Variants in LZTFL1 observed in about 807,000 individuals in gnomAD.
LZTFL1 encodes the protein leucine zipper transcription factor-like protein 1.
Under a neutral mutation model 45.9 loss-of-function variants are expected in LZTFL1, and 25 were observed. That is an observed-to-expected ratio of 0.54 (90% CI 0.40 to 0.76). The LOEUF (loss-of-function observed/expected upper bound fraction) is 0.76. LZTFL1 is among the 30% of genes least tolerant of loss of function. LZTFL1 has a pLI of 0.00. For missense variants in LZTFL1, 277 were observed against 331.1 expected (o/e 0.84, Z 1.27); for synonymous variants, 93 against 117.4 (o/e 0.79, Z 1.35).
intron 2 of LZTFL1, among the ~76,000 whole-genome samples, chr3:45,875,698 G>A (rs1701740879): frequency 6.6e-6 from 1 of 151,030 alleles, no homozygotes; most frequent in South Asian, 2.1e-4. Context: ...AGAAACAAAA[G>A]CAAAAACAAT....
chr3:45,886,483 A>G (rs1247766048), intron 2 of LZTFL1: 5 of 152,192 alleles, frequency 3.3e-5, no homozygotes, highest in Non-Finnish European at 7.3e-5. Context: ...CACCAGTGAC[A>G]ACACAGGCAG....
intron 2 of LZTFL1, among the ~76,000 whole-genome samples, chr3:45,876,989 G>A (rs1393502293): frequency 2.6e-5 from 4 of 152,092 alleles, no homozygotes; most frequent in East Asian, 1.9e-4. Flanking sequence ...GATGGAAGCC[G>A]AGACAACAGC....
chr3:45,841,802 C>T (rs938905852), intron 1 of LZTFL1, 187 bp downstream of exon 1: 1 of 711,900 alleles, frequency 1.4e-6, no homozygotes, highest in South Asian at 1.8e-5. Flanking sequence ...AGGATTACCC[C>T]AGAAGGGCTT....
chr3:45,883,777 C>T lies in LZTFL1; in HGVS notation c.-214-24761G>A, dbSNP rs1321904612. 5 of 565,526 alleles carry T rather than the reference C, an allele frequency of 8.8e-6. No individual in the cohort carries two copies. The Admixed American group carries it at 1.2e-4, about 14-fold the overall frequency. 35.0% of individuals were successfully genotyped at this position (565,526 alleles called of 1,614,324 possible). Reference sequence around the variant, plus strand: ...TGCAATGCATCCCCATGAACACAGTCAGGAACAACTTGTCCAAGGCCCCAA... The same window carrying T: ...TGCAATGCATCCCCATGAACACAGTTAGGAACAACTTGTCCAAGGCCCCAA... On this transcript the variant is annotated intron_variant, in intron 2 of 4. Transcript: ENST00000472635.
In LZTFL1 at chr3:45,825,431, TA is replaced by T. The variant is rs1257168253; in HGVS notation, c.*882del. ...AGTGAAAACCTCTTGAAAATACAAT[TA>T]TTATAGACCCACATAAATAAAGTCT... is the stretch of plus-strand genomic sequence containing the variant. On this transcript the variant is annotated 3_prime_UTR_variant, in exon 10 of 10. Coordinates refer to ENST00000296135, the MANE Select transcript of LZTFL1 (RefSeq NM_020347.4). 6.6e-6 allele frequency: 1 copy of T among 152,216 alleles called. No individual in the cohort carries two copies. The highest frequency in any genetic ancestry group is 2.4e-5 in the African/African-American group (1 of 41,436). 9.4% of individuals were successfully genotyped at this position (152,216 alleles called of 1,614,324 possible).
At chr3:45,849,309 A>G (rs1004196292) in intron 4 of LZTFL1, among the ~76,000 whole-genome samples, 6 of 152,234 alleles carry the variant, frequency 3.9e-5, no homozygotes, top group African/African-American at 1.4e-4. Flanking sequence ...CAGAGGGAAC[A>G]TAGCAAACAC....
chr3:45,833,407 G>C (rs1347472051), intron 4 of LZTFL1, among the ~76,000 whole-genome samples: 1 of 152,142 alleles, frequency 6.6e-6, no homozygotes, highest in Non-Finnish European at 1.5e-5. Context: ...GAAGAAAGGA[G>C]GGACGGAAGG....
At chr3:45,879,199 C>A (rs1159876125) in intron 2 of LZTFL1, among the ~76,000 whole-genome samples, 2 of 152,218 alleles carry the variant, frequency 1.3e-5, no homozygotes, top group Non-Finnish European at 2.9e-5. Context: ...ACACAAAGAT[C>A]TGCACACAGA....
At chr3:45,914,282 T>G (rs1027315074) in intron 1 of LZTFL1, among the ~76,000 whole-genome samples, 4 of 114,626 alleles carry the variant, frequency 3.5e-5, no homozygotes, top group African/African-American at 1.4e-4. Flanking sequence ...TGCCCATGGA[T>G]CTGCATTTTT....
At chr3:45,861,573 T>C (rs1701492194) in intron 2 of LZTFL1, among the ~76,000 whole-genome samples, 1 of 152,226 alleles carries the variant, frequency 6.6e-6, no homozygotes, top group Non-Finnish European at 1.5e-5. Context: ...ATTATAGCAT[T>C]ATATTTGCAA....
chr3:45,913,164 C>G (rs906763307), exon 2 of LZTFL1: 1 of 1,535,562 alleles, frequency 6.5e-7, no homozygotes, highest in Non-Finnish European at 8.7e-7. Context: ...AGTGGGCTGA[C>G]TTACAGCAAG....
intron 2 of LZTFL1, among the ~76,000 whole-genome samples, chr3:45,897,382 G>T (rs1447562241): frequency 6.6e-6 from 1 of 152,148 alleles, no homozygotes; most frequent in Non-Finnish European, 1.5e-5. Flanking sequence ...AAAGCACGAG[G>T]TCCTTAATTC....
At chr3:45,893,463 TTC>T (rs151197930) in intron 2 of LZTFL1, among the ~76,000 whole-genome samples, 6 of 151,150 alleles carry the variant, frequency 4.0e-5, no homozygotes, top group Non-Finnish European at 3.0e-5. Context: ...CCACCTCCCC[TTC>T]TCTCTCTCTC....
intron 2 of LZTFL1, among the ~76,000 whole-genome samples, chr3:45,859,802 A>G (rs1185331004): frequency 6.6e-6 from 1 of 152,030 alleles, no homozygotes; most frequent in Non-Finnish European, 1.5e-5. Flanking sequence ...ACACCCGGCT[A>G]ATTTTTATAT....
At chr3:45,872,466 G>A (rs1291142600) in intron 2 of LZTFL1, among the ~76,000 whole-genome samples, 1 of 152,180 alleles carries the variant, frequency 6.6e-6, no homozygotes, top group African/African-American at 2.4e-5. Context: ...CTGAGGAGAT[G>A]CTAATTTATG....
In LZTFL1 at chr3:45,901,902, G is replaced by A. The variant is rs753720491; in HGVS notation, c.-215+11218C>T. The A allele has an allele frequency of 4.4e-6, 7 of 1,580,178 alleles. No individual in the cohort carries two copies. The East Asian group carries it at 1.4e-4, about 31-fold the overall frequency. ...CTCAGGAGCACTCTCCCTCTGAGGG[G>A]TCTTCTCTGAGGTGCATGGTTCTTT... On this transcript the variant is annotated intron_variant, in intron 2 of 4. Coordinates refer to the LZTFL1 transcript ENST00000472635. The surrounding 1 kb of genome is among the most constrained non-coding windows in gnomAD (Gnocchi z 4.3).
At chr3:45,913,229 T>C in intron 1 of LZTFL1, 1 of 1,298,724 alleles carries the variant, frequency 7.7e-7, no homozygotes, top group South Asian at 1.3e-5. Flanking sequence ...TTGTTACTAT[T>C]AACAAACCAG....
intron 2 of LZTFL1, among the ~76,000 whole-genome samples, chr3:45,865,029 G>A (rs1330910598): frequency 6.6e-6 from 1 of 152,176 alleles, no homozygotes; most frequent in East Asian, 1.9e-4. Context: ...TAAACCGAAT[G>A]TGATGGCAGA....
intron 2 of LZTFL1, among the ~76,000 whole-genome samples, chr3:45,891,952 C>T (rs1410780739): frequency 6.6e-6 from 1 of 152,126 alleles, no homozygotes; most frequent in Non-Finnish European, 1.5e-5. Flanking sequence ...ACAAATGTGA[C>T]ACTGGTTTGC....
Sources: gnomAD v4.1 joint callset for allele counts (sites outside exome capture counted in the v4.1 genomes callset) on GRCh38, gnomAD v4.1.1 for gene constraint, Gnocchi (gnomAD v3.1) non-coding constraint, MANE v1.5 for transcripts, NCBI Gene and HGNC (gene_info 2026-07-23, HGNC 2026-07-21) for gene names.